Variants in LRRC4C observed in about 807,000 individuals in gnomAD.
LRRC4C encodes leucine rich repeat containing 4C.
Under a neutral mutation model 33.6 loss-of-function variants are expected in LRRC4C, and 5 were observed. The ratio of observed to expected loss-of-function variants is 0.15; its 90% confidence interval spans 0.08 to 0.31. LRRC4C has a LOEUF of 0.31. LRRC4C is among the 10% of genes least tolerant of loss of function. The pLI is 1.00. For missense variants in LRRC4C, 560 were observed against 796.7 expected, an observed-to-expected ratio of 0.70 and a Z score of 3.58; for synonymous variants, 329 against 302.0, an observed-to-expected ratio of 1.09 and a Z score of -0.93.
intron 3 of LRRC4C, among the ~76,000 whole-genome samples, chr11:40,344,516 A>G (rs1947030435): frequency 6.6e-6 from 1 of 152,126 alleles, no homozygotes; most frequent in African/African-American, 2.4e-5. Flanking sequence ...AAATAATAAG[A>G]GCCCTCTATG....
intron 2 of LRRC4C, among the ~76,000 whole-genome samples, chr11:40,840,994 T>G (rs930319804): frequency 6.6e-6 from 1 of 152,164 alleles, no homozygotes; most frequent in Non-Finnish European, 1.5e-5. Context: ...GGAAGAAACA[T>G]TTTTTGTTCA....
chr11:41,233,075 C>T (rs1238482434), intron 1 of LRRC4C, among the ~76,000 whole-genome samples: 1 of 152,024 alleles, frequency 6.6e-6, no homozygotes, highest in Non-Finnish European at 1.5e-5. Context: ...TTCTTAATTG[C>T]TCTTTCTTTA....
At chr11:40,647,380 C>A (rs1591364991) in intron 3 of LRRC4C, among the ~76,000 whole-genome samples, 1 of 152,012 alleles carries the variant, frequency 6.6e-6, no homozygotes, top group Non-Finnish European at 1.5e-5. Context: ...CACAGTGAAA[C>A]CCCACAAATG....
At chr11:40,891,283 G>A (rs748784416) in intron 2 of LRRC4C, among the ~76,000 whole-genome samples, 9 of 151,892 alleles carry the variant, frequency 5.9e-5, no homozygotes, top group Non-Finnish European at 1.0e-4. Context: ...CAACAACAAC[G>A]ACAAACTTGC....
chr11:40,508,884 A>G (rs1304759794), intron 3 of LRRC4C, among the ~76,000 whole-genome samples: 1 of 152,202 alleles, frequency 6.6e-6, no homozygotes, highest in South Asian at 2.1e-4. Flanking sequence ...TTAAAATTGT[A>G]GCTATTAAAT....
At chr11:41,049,801 C>A (rs563683951) in intron 1 of LRRC4C, among the ~76,000 whole-genome samples, 2 of 152,234 alleles carry the variant, frequency 1.3e-5, no homozygotes, top group Non-Finnish European at 2.9e-5. Flanking sequence ...AGTGATCTGG[C>A]ATGTTGGCTT....
intron 5 of LRRC4C, among the ~76,000 whole-genome samples, chr11:40,175,429 C>A (rs1860395896): frequency 6.6e-6 from 1 of 152,178 alleles, no homozygotes; most frequent in South Asian, 2.1e-4. Flanking sequence ...CTGAATTCTT[C>A]TACTCAAACA....
chr11:40,969,027 C>T (rs1278717089), intron 1 of LRRC4C, among the ~76,000 whole-genome samples: 2 of 152,084 alleles, frequency 1.3e-5, no homozygotes, highest in Non-Finnish European at 2.9e-5. Flanking sequence ...CGGGAAAGTA[C>T]TCAGCATTCC....
At chr11:40,731,152 T>C (rs1412292726) in intron 2 of LRRC4C, among the ~76,000 whole-genome samples, 3 of 152,076 alleles carry the variant, frequency 2.0e-5, no homozygotes, top group Non-Finnish European at 2.9e-5. Flanking sequence ...ACCCCGTCTC[T>C]ACTAAAAATA....
At chr11:40,762,234 G>A (rs1949250695) in intron 2 of LRRC4C, among the ~76,000 whole-genome samples, 2 of 152,256 alleles carry the variant, frequency 1.3e-5, no homozygotes, top group South Asian at 4.1e-4. Flanking sequence ...GGCTTGGTTT[G>A]TCATATCTTG....
chr11:40,871,305 T>A (rs1954631308), intron 2 of LRRC4C, among the ~76,000 whole-genome samples: 2 of 152,088 alleles, frequency 1.3e-5, no homozygotes, highest in Admixed American at 1.3e-4. Flanking sequence ...CCACACCGTA[T>A]TCGTACACTC....
At chr11:41,357,226 C>T (rs1006419985) in intron 1 of LRRC4C, among the ~76,000 whole-genome samples, 1 of 152,070 alleles carries the variant, frequency 6.6e-6, no homozygotes, top group Non-Finnish European at 1.5e-5. Flanking sequence ...TTATGGAAAT[C>T]TCTCTGACCT....
intron 3 of LRRC4C, among the ~76,000 whole-genome samples, chr11:40,523,139 A>C (rs12576717): frequency 0.094 from 14,364 of 152,212 alleles, 801 homozygotes; most frequent in Middle Eastern, 0.15. Context: ...ACAGTAGATA[A>C]ACTATTTTGA....
intron 3 of LRRC4C, among the ~76,000 whole-genome samples, chr11:40,429,565 T>TA (rs1160399662): frequency 1.7e-5 from 2 of 118,790 alleles, no homozygotes; most frequent in African/African-American, 3.3e-5. Context: ...GGTGCAATAA[T>TA]AATAAAAAAA....
chr11:40,534,630 A>G (rs1956399923), intron 3 of LRRC4C, among the ~76,000 whole-genome samples: 1 of 152,214 alleles, frequency 6.6e-6, no homozygotes, highest in Non-Finnish European at 1.5e-5. Flanking sequence ...AACTCTTGAC[A>G]TTCCTTTTGG....
chr11:41,362,134 A>G (rs1377542606), intron 1 of LRRC4C, among the ~76,000 whole-genome samples: 1 of 152,142 alleles, frequency 6.6e-6, no homozygotes, highest in Non-Finnish European at 1.5e-5. Context: ...CCTCACTCAT[A>G]TCAGAGGACA....
chr11:40,335,626 G>A (rs1044806710), intron 3 of LRRC4C, among the ~76,000 whole-genome samples: 2 of 152,198 alleles, frequency 1.3e-5, no homozygotes, highest in African/African-American at 4.8e-5. Context: ...TCACCCAGGT[G>A]AATTTCTTTT....
chr11:41,248,672 C>A (rs1358701986), intron 1 of LRRC4C, among the ~76,000 whole-genome samples: 1 of 151,798 alleles, frequency 6.6e-6, no homozygotes, highest in Non-Finnish European at 1.5e-5. Context: ...CACTCAATAG[C>A]ATGACTTTAA....
chr11:40,499,888 A>G (rs1231587623), intron 3 of LRRC4C, among the ~76,000 whole-genome samples: 1 of 152,124 alleles, frequency 6.6e-6, no homozygotes, highest in Non-Finnish European at 1.5e-5. Context: ...CATGGGAGAG[A>G]AAGTTAAGAA....
Sources: allele counts gnomAD v4.1 joint callset (sites outside exome capture counted in the v4.1 genomes callset), GRCh38; gene constraint gnomAD v4.1.1; transcripts MANE v1.5; gene names NCBI Gene and HGNC (gene_info 2026-07-23, HGNC 2026-07-21).